Variants in CSMD3 observed in about 807,000 individuals in gnomAD.
CSMD3 encodes the protein CUB and Sushi multiple domains 3.
Under a neutral mutation model 435.2 loss-of-function variants are expected in CSMD3, and 177 were observed. The observed-to-expected ratio is 0.41, with a 90% CI of 0.36 to 0.46. The LOEUF (loss-of-function observed/expected upper bound fraction) is 0.46, where lower values mean the gene tolerates loss of function less well. CSMD3 is among the 20% of genes least tolerant of loss of function. The probability of loss-of-function intolerance (pLI) is 0.34; values close to 1 mark genes in which losing one functional copy is unlikely to be tolerated. For synonymous variants in CSMD3, 1,656 were observed against 1,520.5 expected, an observed-to-expected ratio of 1.09 and a Z score of -2.07; for missense variants, 4,265 against 4,504.6, an observed-to-expected ratio of 0.95 and a Z score of 1.52.
At chr8:113,205,052 C>T (rs1213932133) in intron 3 of CSMD3, among the ~76,000 whole-genome samples, 2 of 151,216 alleles carry the variant, frequency 1.3e-5, no homozygotes, top group African/African-American at 2.4e-5. Flanking sequence ...GGCGTGATTT[C>T]GGCTCACTGC....
At chr8:112,648,330 T>C (rs2075037721) in intron 19 of CSMD3, among the ~76,000 whole-genome samples, 1 of 152,144 alleles carries the variant, frequency 6.6e-6, no homozygotes, top group South Asian at 2.1e-4. Context: ...ATTTTTTAAA[T>C]AAACATAATT....
chr8:113,212,716 C>A (rs1460872767), intron 3 of CSMD3, among the ~76,000 whole-genome samples: 2 of 151,602 alleles, frequency 1.3e-5, no homozygotes, highest in Admixed American at 1.3e-4. Flanking sequence ...GGAAGGGGAA[C>A]CTCACACACC....
intron 9 of CSMD3, among the ~76,000 whole-genome samples, chr8:112,934,949 C>T (rs926930296): frequency 1.3e-4 from 19 of 151,758 alleles, no homozygotes; most frequent in African/African-American, 4.1e-4. Flanking sequence ...TTTGCCTGTG[C>T]TTTTGGGGTC....
chr8:112,616,914 G>A (rs1037456177), intron 22 of CSMD3, among the ~76,000 whole-genome samples: 2 of 152,178 alleles, frequency 1.3e-5, no homozygotes, highest in Non-Finnish European at 2.9e-5. Flanking sequence ...GAGGGAAAAT[G>A]TGTAAAGTCC....
chr8:113,390,450 A>G (rs28696718), intron 1 of CSMD3, among the ~76,000 whole-genome samples: 110,972 of 151,654 alleles, frequency 0.73, 40,776 homozygotes, highest in East Asian at 0.94. Context: ...TAAAATTTGA[A>G]AATAAATTTA....
chr8:112,573,404 T>G lies in CSMD3; in HGVS notation c.4042+97A>C. 2.9e-6 allele frequency: 3 copies of G among 1,043,436 alleles called. No homozygotes were observed. In the South Asian group the frequency reaches 3.8e-5, roughly 13 times the overall value. 64.6% of individuals were successfully genotyped at this position (1,043,436 alleles called of 1,614,324 possible). A position where few individuals can be genotyped will look rare whatever the true frequency, so the allele number is the denominator to read the frequency against. ...GTAGAAAGGAGCTGTAAATTAATAA[T>G]CAAATATTGGATATCATTTCAATTT... On this transcript the variant is annotated intron_variant, in intron 24 of 70. Transcript: ENST00000297405.
At chr8:112,758,240 G>C (rs1015163747) in intron 13 of CSMD3, among the ~76,000 whole-genome samples, 17 of 151,836 alleles carry the variant, frequency 1.1e-4, no homozygotes, top group African/African-American at 4.1e-4. Context: ...TATAATCCCA[G>C]CTACTTGGGA....
In CSMD3 at chr8:112,436,330, A is replaced by G. The variant is rs567186066; in HGVS notation, c.5396-27298T>C. On this transcript the variant is annotated intron_variant, in intron 32 of 70. Coordinates refer to ENST00000297405, the MANE Select transcript of CSMD3 (RefSeq NM_198123.2). ...ATTTTTCTATGCCTTATTCTGATTA[A>G]AAATAATCAGCATATTCAGTTTCCA... Among the ~76,000 whole-genome samples the G allele has an allele frequency of 2.0e-5, 3 of 152,042 alleles. No homozygotes were observed. The South Asian group carries it at 6.2e-4, about 32-fold the overall frequency.
intron 7 of CSMD3, among the ~76,000 whole-genome samples, chr8:112,961,619 G>T (rs1347628807): frequency 6.6e-6 from 1 of 151,904 alleles, no homozygotes; most frequent in Admixed American, 6.6e-5. Context: ...GGTGAGTATG[G>T]AGAGGAGACA....
chr8:112,395,066 C>T (rs751565586), intron 35 of CSMD3, among the ~76,000 whole-genome samples: 13 of 152,092 alleles, frequency 8.5e-5, no homozygotes, highest in Non-Finnish European at 1.9e-4. Context: ...TATTTATTTA[C>T]CAACAAAATA....
At chr8:112,312,555 C>T (rs1822088844) in intron 49 of CSMD3, among the ~76,000 whole-genome samples, 1 of 152,034 alleles carries the variant, frequency 6.6e-6, no homozygotes, top group African/African-American at 2.4e-5. Flanking sequence ...CGCGCCTGGC[C>T]ATGTTTCAGT....
intron 4 of CSMD3, among the ~76,000 whole-genome samples, chr8:113,158,301 G>A (rs1399134010): frequency 1.3e-5 from 2 of 151,950 alleles, no homozygotes; most frequent in African/African-American, 4.8e-5. Context: ...GGCAGCAAAA[G>A]GAGACAGAAA....
At chr8:112,445,906 T>C (rs944451327) in intron 32 of CSMD3, among the ~76,000 whole-genome samples, 1 of 152,188 alleles carries the variant, frequency 6.6e-6, no homozygotes, top group Non-Finnish European at 1.5e-5. Flanking sequence ...AAATTTTAAA[T>C]CACAGAGAAG....
intron 2 of CSMD3, among the ~76,000 whole-genome samples, chr8:113,301,151 T>C (rs970525682): frequency 6.6e-6 from 1 of 151,926 alleles, no homozygotes; most frequent in Non-Finnish European, 1.5e-5. Context: ...TTGTTACTGG[T>C]AGGGTGAAGT....
At chr8:112,590,448 G>A (rs532998633) in intron 22 of CSMD3, among the ~76,000 whole-genome samples, 1 of 151,772 alleles carries the variant, frequency 6.6e-6, no homozygotes, top group Admixed American at 6.6e-5. Flanking sequence ...ATTGGAGGGG[G>A]TGGGAGACAA....
chr8:113,223,396 C>G (rs1417950518), intron 3 of CSMD3, among the ~76,000 whole-genome samples: 2 of 150,326 alleles, frequency 1.3e-5, no homozygotes, highest in East Asian at 2.0e-4. Flanking sequence ...TTTTGAAATT[C>G]TTCGTTTCCT....
chr8:112,838,114 G>C (rs939345332), intron 11 of CSMD3, among the ~76,000 whole-genome samples: 4 of 151,742 alleles, frequency 2.6e-5, no homozygotes, highest in African/African-American at 9.7e-5. Flanking sequence ...TCCAGTTGGA[G>C]ACTATAGAGG....
chr8:113,336,074 G>A (rs2132811441), intron 1 of CSMD3, among the ~76,000 whole-genome samples: 1 of 151,244 alleles, frequency 6.6e-6, no homozygotes, highest in Non-Finnish European at 1.5e-5. Context: ...CTTTATTTTA[G>A]TCCTACAGGT....
chr8:113,227,210 G>C (rs2093038338), intron 3 of CSMD3, among the ~76,000 whole-genome samples: 1 of 151,534 alleles, frequency 6.6e-6, no homozygotes, highest in Non-Finnish European at 1.5e-5. Context: ...AAGCCTTGTA[G>C]AGGAGAAGCT....
Sources: allele counts gnomAD v4.1 joint callset (sites outside exome capture counted in the v4.1 genomes callset), GRCh38; gene constraint gnomAD v4.1.1; transcripts MANE v1.5; gene names NCBI Gene and HGNC (gene_info 2026-07-23, HGNC 2026-07-21).